Variants in CD82 observed in about 807,000 individuals in gnomAD.
CD82 encodes the protein CD82 molecule.
CD82 carries 36 observed loss-of-function variants against 37.4 expected under a neutral mutation model. The ratio of observed to expected loss-of-function variants is 0.96; its 90% CI spans 0.74 to 1.27. The LOEUF (loss-of-function observed/expected upper bound fraction) is 1.27, where lower values mean the gene tolerates loss of function less well. Ranked by LOEUF, CD82 falls within the 50% of genes most tolerant of loss-of-function variation. CD82 has a pLI of 0.00. For synonymous variants in CD82, 158 were observed against 137.4 expected (o/e 1.15, Z -1.05); for missense variants, 340 against 347.0 (o/e 0.98, Z 0.16).
intron 6 of CD82, among the ~76,000 whole-genome samples, chr11:44,612,294 G>A (rs1225616194): frequency 6.6e-6 from 1 of 152,222 alleles, no homozygotes; most frequent in Non-Finnish European, 1.5e-5. Flanking sequence ...CATGTTGGCT[G>A]TGTGACTTTG....
chr11:44,595,895 C>T (rs1443047256), intron 3 of CD82, among the ~76,000 whole-genome samples: 4 of 132,750 alleles, frequency 3.0e-5, no homozygotes, highest in Non-Finnish European at 6.3e-5. Context: ...CATAGCAAGA[C>T]CCTGTTTCTC....
chr11:44,576,494 G>A (rs1852892987), intron 1 of CD82, among the ~76,000 whole-genome samples: 1 of 152,198 alleles, frequency 6.6e-6, no homozygotes, highest in Non-Finnish European at 1.5e-5. Flanking sequence ...TGTTCTGGAG[G>A]GAGCCGGGAT....
At chr11:44,573,200 C>G (rs1363356429) in intron 1 of CD82, 1 of 91,970 alleles carries the variant, frequency 1.1e-5, no homozygotes, top group African/African-American at 3.8e-5. Flanking sequence ...TATGTGTTCC[C>G]ACGTGTACAC....
At chr11:44,605,010 G>T (rs1233232828) in intron 4 of CD82, 48 bp from the exon 5 acceptor site, 2 of 1,614,012 alleles carry the variant, frequency 1.2e-6, no homozygotes, top group Non-Finnish European at 1.7e-6. Flanking sequence ...TAGGCCAGGT[G>T]TTTATACCTG....
intron 1 of CD82, among the ~76,000 whole-genome samples, chr11:44,567,421 T>G (rs1852751965): frequency 1.5e-5 from 2 of 135,184 alleles, no homozygotes; most frequent in African/African-American, 2.9e-5. Context: ...TTCAGAAGAG[T>G]GAGACACTTG....
At chr11:44,615,695 G>C (rs1853554769) in intron 7 of CD82, among the ~76,000 whole-genome samples, 3 of 152,214 alleles carry the variant, frequency 2.0e-5, no homozygotes, top group Non-Finnish European at 4.4e-5. Context: ...GAAACTGGGA[G>C]CCAAGGCTGA....
At chr11:44,568,652 C>T (rs1300770159) in intron 1 of CD82, among the ~76,000 whole-genome samples, 1 of 152,158 alleles carries the variant, frequency 6.6e-6, no homozygotes, top group Non-Finnish European at 1.5e-5. Flanking sequence ...AAGTTTCCCA[C>T]AGTAGGGGGA....
At chr11:44,577,593 G>A (rs1852915890) in intron 1 of CD82, among the ~76,000 whole-genome samples, 1 of 152,188 alleles carries the variant, frequency 6.6e-6, no homozygotes, top group South Asian at 2.1e-4. Flanking sequence ...CCTCAGACCT[G>A]TAACTCTCAG....
At chr11:44,593,957 A>G (rs1460387602) in intron 2 of CD82, among the ~76,000 whole-genome samples, 8 of 151,144 alleles carry the variant, frequency 5.3e-5, no homozygotes, top group Non-Finnish European at 1.2e-4. Flanking sequence ...AAAACACTAT[A>G]CAGAATGAGC....
chr11:44,598,447 T>C (rs1315557711), intron 3 of CD82, among the ~76,000 whole-genome samples: 2 of 131,024 alleles, frequency 1.5e-5, no homozygotes, highest in Admixed American at 9.0e-5. Flanking sequence ...AGTCTCACTC[T>C]TGTTGTCCAG....
At chr11:44,577,640 A>G (rs926265114) in intron 1 of CD82, among the ~76,000 whole-genome samples, 1 of 152,070 alleles carries the variant, frequency 6.6e-6, no homozygotes, top group African/African-American at 2.4e-5. Context: ...TCTTCTCTGA[A>G]CCCTGGTTTC....
chr11:44,605,934 C>T (rs926425337), intron 6 of CD82, among the ~76,000 whole-genome samples: 15 of 152,266 alleles, frequency 9.9e-5, no homozygotes, highest in African/African-American at 2.6e-4. Context: ...GTCTTGTGTC[C>T]GAGGGGAGAT....
At chr11:44,569,123 G>A (rs939367826) in intron 1 of CD82, among the ~76,000 whole-genome samples, 1 of 152,224 alleles carries the variant, frequency 6.6e-6, no homozygotes, top group African/African-American at 2.4e-5. Flanking sequence ...ATCTCAGCAG[G>A]AACTGCCCTA....
intron 3 of CD82, among the ~76,000 whole-genome samples, chr11:44,595,492 C>A (rs1432962783): frequency 1.3e-5 from 2 of 151,394 alleles, no homozygotes; most frequent in Admixed American, 6.6e-5. Flanking sequence ...GACGGTTTAA[C>A]CCTATAGTGT....
At chr11:44,575,979 GCAGAGATGCCTTCCCTGAA>G (rs1852885450) in intron 1 of CD82, among the ~76,000 whole-genome samples, 1 of 152,214 alleles carries the variant, frequency 6.6e-6, no homozygotes, top group Non-Finnish European at 1.5e-5. Flanking sequence ...TGGTGCGGAA[GCAGAGATGCCTTCCCTGAA>G]CACTGCACCG....
At position 44,594,657 on chromosome 11, in the gene CD82, G is replaced by A. The variant is rs1565087610; in HGVS notation, c.-6G>A. On this transcript the variant is annotated 5_prime_UTR_variant, in exon 3 of 10. Transcript: ENST00000227155. ...CTCTCTTCCAGGAAGCTCCAGGACTGGCGGGATGGGCTCAGCCTGTATCAA... is the reference window on the plus strand; with the variant it reads ...CTCTCTTCCAGGAAGCTCCAGGACTAGCGGGATGGGCTCAGCCTGTATCAA... The A allele has an allele frequency of 6.2e-7, 1 of 1,612,974 alleles. No homozygotes were observed. Among genetic ancestry groups the A allele is most frequent in the Non-Finnish European group, 8.5e-7 (1 of 1,178,934 alleles).
intron 4 of CD82, among the ~76,000 whole-genome samples, chr11:44,600,938 G>A (rs1317652825): frequency 6.6e-6 from 1 of 152,218 alleles, no homozygotes. Flanking sequence ...TGCAGCACAT[G>A]GCAGGGTGAG....
chr11:44,578,323 C>G (rs957141879), intron 1 of CD82, among the ~76,000 whole-genome samples: 7 of 152,150 alleles, frequency 4.6e-5, no homozygotes, highest in Admixed American at 2.0e-4. Flanking sequence ...GGGAAGAGAG[C>G]CAGGGAGCCA....
At position 44,601,501 on chromosome 11, in the gene CD82, T is replaced by C. The variant is rs566070536; in HGVS notation, c.136+1271T>C. ...CCATTAGGCCCAGCTCTCTACTTCC[T>C]GAGTCATGGCCCAACCCAGCAGGCA... On this transcript the variant is annotated intron_variant, in intron 4 of 9. Transcript: ENST00000227155. Among the ~76,000 whole-genome samples, 3 of 152,266 alleles carry C rather than the reference T, an allele frequency of 2.0e-5. No homozygotes were observed. In the South Asian group the frequency reaches 6.2e-4, roughly 32 times the overall value.
Sources: gnomAD v4.1 joint callset for allele counts (sites outside exome capture counted in the v4.1 genomes callset) on GRCh38, gnomAD v4.1.1 for gene constraint, MANE v1.5 for transcripts, NCBI Gene and HGNC (gene_info 2026-07-23, HGNC 2026-07-21) for gene names.